FBN2: variants seen among roughly 807,000 people sequenced by gnomAD.
The protein encoded by FBN2 is fibrillin 2.
A neutral mutation model predicts 355.6 loss-of-function variants in FBN2; 105 were observed. That is an observed-to-expected ratio of 0.30 (90% CI 0.25 to 0.35). The LOEUF is 0.35. Ranked by LOEUF, FBN2 falls within the 10% of genes least tolerant of loss-of-function variation. The pLI is 1.00. For missense variants in FBN2, 3,280 were observed against 3,758.7 expected, an observed-to-expected ratio of 0.87 and a Z score of 3.33; for synonymous variants, 1,350 against 1,301.2, an observed-to-expected ratio of 1.04 and a Z score of -0.81.
intron 14 of FBN2, among the ~76,000 whole-genome samples, chr5:128,376,126 G>A (rs1471486967): frequency 6.6e-6 from 1 of 152,122 alleles, no homozygotes; most frequent in Non-Finnish European, 1.5e-5. Context: ...AATTCCAATT[G>A]TGAGTACAAA....
chr5:128,306,452 C>T (rs1307043994), intron 42 of FBN2, among the ~76,000 whole-genome samples: 2 of 152,008 alleles, frequency 1.3e-5, no homozygotes, highest in Non-Finnish European at 2.9e-5. Context: ...AAACTTCCAT[C>T]TCTACTAAAA....
chr5:128,330,539 T>A (rs774833083), intron 33 of FBN2, 34 bp downstream of exon 33: 6 of 1,612,064 alleles, frequency 3.7e-6, no homozygotes, highest in South Asian at 2.2e-5. Flanking sequence ...TCTATGACCA[T>A]CCCGTCAGAG....
intron 20 of FBN2, among the ~76,000 whole-genome samples, chr5:128,352,695 G>A (rs1173973986): frequency 2.0e-5 from 3 of 152,072 alleles, no homozygotes; most frequent in Non-Finnish European, 4.4e-5. Flanking sequence ...TAAGTTTCCC[G>A]GTATGCAGCC....
At position 128,537,353 on chromosome 5, in the gene FBN2, C is replaced by A; in HGVS notation, c.251G>T (p.Arg84Leu). Residue 84 changes from arginine (R) to leucine (L), a missense_variant, in exon 1 of 65, where the codon CGA (arginine) becomes CTA (leucine). Around this residue, in one of 6 missense-constraint regions of FBN2, gnomAD observed 203 missense variants for 142.2 expected, o/e 1.43. Coordinates refer to ENST00000262464, the MANE Select transcript of FBN2 (RefSeq NM_001999.4). ...VRRRGQQDVL[R>L]GPNVCGSRFH... ...GCGGAGCCGCTTGCCCACTTACCCT[C>A]GGAGCACGTCCTGCTGTCCTCGCCG... The A allele has an allele frequency of 6.2e-7, 1 of 1,610,450 alleles. No homozygotes were observed. The highest frequency in any genetic ancestry group is 8.5e-7 in the Non-Finnish European group (1 of 1,179,796).
chr5:128,291,547 T>C lies in FBN2; in HGVS notation c.6274A>G (p.Asn2092Asp), dbSNP rs1210358683. The C allele has an allele frequency of 1.2e-6, 2 of 1,613,934 alleles. No individual in the cohort carries two copies. Among genetic ancestry groups the C allele is most frequent in the South Asian group, 2.2e-5 (2 of 91,078 alleles). ...LCPPGFVLSD[N>D]GRRCFDTRQS... ...ATCTTACCAAAGCATCTCCGTCCAT[T>C]ATCAGATAGTACAAAGCCAGGGGGG... Residue 2092 changes from asparagine (N) to aspartate (D), a missense_variant, in exon 49 of 65, where the codon AAT becomes GAT. Physicochemically the swap from Asn to Asp is conservative, Grantham distance 23. Around this residue, in one of 6 missense-constraint regions of FBN2, gnomAD observed 2,284 missense variants for 2,749.5 expected, o/e 0.83. Coordinates refer to ENST00000262464, the MANE Select transcript of FBN2 (RefSeq NM_001999.4).
chr5:128,316,710 A>G (rs1374435483), intron 36 of FBN2, among the ~76,000 whole-genome samples: 2 of 152,184 alleles, frequency 1.3e-5, no homozygotes, highest in East Asian at 3.8e-4. Flanking sequence ...TGAAGTGTAA[A>G]GTGGCATTCA....
chr5:128,333,071 A>G, intron 31 of FBN2, 37 bp from the exon 32 acceptor site: 2 of 1,564,874 alleles, frequency 1.3e-6, no homozygotes, highest in Non-Finnish European at 8.8e-7. Flanking sequence ...AAATCAAAAT[A>G]CAAACTAATT....
At chr5:128,417,438 G>A (rs182233528) in intron 7 of FBN2, among the ~76,000 whole-genome samples, 7 of 152,254 alleles carry the variant, frequency 4.6e-5, no homozygotes, top group Non-Finnish European at 1.0e-4. Flanking sequence ...AGTTCTTCGA[G>A]GAAAGGCTTT....
intron 6 of FBN2, among the ~76,000 whole-genome samples, chr5:128,459,285 G>T (rs550481352): frequency 6.6e-6 from 1 of 152,132 alleles, no homozygotes; most frequent in South Asian, 2.1e-4. Context: ...CCACTAACAA[G>T]CTCTGAAATT....
intron 5 of FBN2, among the ~76,000 whole-genome samples, chr5:128,468,094 G>A (rs1328810141): frequency 3.3e-5 from 5 of 152,128 alleles, no homozygotes; most frequent in Admixed American, 2.6e-4. Context: ...AAAAGAACTT[G>A]TGTCCATTCC....
At chr5:128,344,332 A>G (rs1230136107) in intron 25 of FBN2, 53 bp downstream of exon 25, 1 of 1,591,346 alleles carries the variant, frequency 6.3e-7, no homozygotes, top group African/African-American at 1.3e-5. Context: ...TTTCAAACAG[A>G]GTAAAGGAAA....
At chr5:128,294,934 GC>G (rs1749459692) in intron 48 of FBN2, among the ~76,000 whole-genome samples, 1 of 126,702 alleles carries the variant, frequency 7.9e-6, no homozygotes, top group South Asian at 2.9e-4. Flanking sequence ...GAATGGTAAT[GC>G]CTAGGTTTTC....
chr5:128,491,383 G>C (rs1171992671), intron 5 of FBN2, among the ~76,000 whole-genome samples: 1 of 152,200 alleles, frequency 6.6e-6, no homozygotes, highest in African/African-American at 2.4e-5. Context: ...TTGTGATTCT[G>C]TAACTGATGG....
At chr5:128,486,457 C>G (rs1430117142) in intron 5 of FBN2, among the ~76,000 whole-genome samples, 2 of 152,090 alleles carry the variant, frequency 1.3e-5, no homozygotes, top group African/African-American at 4.8e-5. Flanking sequence ...AATGTCTCAC[C>G]TAATCAATAT....
At chr5:128,315,591 C>G (rs893904120) in intron 36 of FBN2, among the ~76,000 whole-genome samples, 1 of 152,182 alleles carries the variant, frequency 6.6e-6, no homozygotes, top group Non-Finnish European at 1.5e-5. Context: ...GATTTATCAA[C>G]ACCAATTAGA....
chr5:128,287,008 G>T (rs1749171793), intron 54 of FBN2, among the ~76,000 whole-genome samples, 159 bp from the exon 55 acceptor site: 1 of 152,194 alleles, frequency 6.6e-6, no homozygotes, highest in Non-Finnish European at 1.5e-5. Context: ...TATTCCAGAT[G>T]TGTAAGTTTC....
In FBN2 at chr5:128,290,786, T is replaced by C; in HGVS notation, c.6391A>G (p.Met2131Val). The stretch of plus-strand genomic sequence containing the variant: ...GGGTCCCCCCAGCCCTCTCCTGGCA[T>C]CTTACTACAGCAGCATTTTGCTTTT... Reference protein sequence around the residue: ...TTKAKCCCSKMPGEGWGDPCE... With the variant: ...TTKAKCCCSKVPGEGWGDPCE... Residue 2131 changes from methionine (M) to valine (V), a missense_variant, in exon 50 of 65, where the codon ATG becomes GTG. By Grantham distance (21) the Met-to-Val change is conservative. Around this residue, in one of 6 missense-constraint regions of FBN2, gnomAD observed 2,284 missense variants for 2,749.5 expected, o/e 0.83. Coordinates refer to ENST00000262464, the MANE Select transcript of FBN2 (RefSeq NM_001999.4). 2 of 1,614,198 alleles carry C rather than the reference T, an allele frequency of 1.2e-6. No individual in the cohort carries two copies. The highest frequency in any genetic ancestry group is 1.7e-6 in the Non-Finnish European group (2 of 1,179,996).
At chr5:128,318,297 G>C in intron 35 of FBN2, 26 bp from the exon 36 acceptor site, 1 of 1,613,658 alleles carries the variant, frequency 6.2e-7, no homozygotes, top group Non-Finnish European at 8.5e-7. Context: ...AAAATGCCCA[G>C]GTTACCATTT....
intron 15 of FBN2, among the ~76,000 whole-genome samples, chr5:128,370,529 TG>T (rs551082518): frequency 7.5e-4 from 114 of 152,326 alleles, no homozygotes; most frequent in Middle Eastern, 6.8e-3. Flanking sequence ...AAACTTGTGC[TG>T]CCTCTGCTGT....
Sources: gnomAD v4.1 joint callset for allele counts (sites outside exome capture counted in the v4.1 genomes callset) on GRCh38, gnomAD v4.1.1 for gene constraint, gnomAD v4.1.1 regional missense constraint, MANE v1.5 for transcripts, NCBI Gene and HGNC (gene_info 2026-07-23, HGNC 2026-07-21) for gene names.